The following E2F2 variants were observed in gnomAD, a reference collection of about 807,000 sequenced individuals.
E2F2 encodes the protein transcription factor E2F2.
In E2F2, 22 loss-of-function variants were observed where a neutral mutation model predicts 42.2. That is an observed-to-expected ratio of 0.52 (90% CI 0.37 to 0.74). The LOEUF (loss-of-function observed/expected upper bound fraction) is 0.74, where lower values mean the gene tolerates loss of function less well. Ranked by LOEUF, E2F2 falls within the 30% of genes least tolerant of loss-of-function variation. E2F2 has a pLI of 0.00. For synonymous variants in E2F2, 248 were observed against 251.6 expected (o/e 0.99, Z 0.13); for missense variants, 481 against 557.8 (o/e 0.86, Z 1.39).
rs1642837980 is a variant in E2F2 at position 23,508,162 on chromosome 1, GC to G, written c.*1717del. On this transcript the variant is annotated 3_prime_UTR_variant, in exon 7 of 7. Transcript: ENST00000361729. The stretch of plus-strand genomic sequence containing the variant: ...ACCCGCTGACCACTCCTGGGAGGGG[GC>G]TAACTTGGGGGCCCAGGAATTTGAG... 6.6e-6 allele frequency: 1 copy of G among 152,288 alleles called. No homozygotes were observed. The highest frequency in any genetic ancestry group is 1.5e-5 in the Non-Finnish European group (1 of 68,098). 9.4% of individuals were successfully genotyped at this position (152,288 alleles called of 1,614,324 possible).
chr1:23,507,946 T>C lies in E2F2; in HGVS notation c.*1934A>G, dbSNP rs41300116. On this transcript the variant is annotated 3_prime_UTR_variant, in exon 7 of 7. Coordinates refer to ENST00000361729, the MANE Select transcript of E2F2 (RefSeq NM_004091.4). The stretch of plus-strand genomic sequence containing the variant: ...TCTGACTTCAGAGATGGCACATGGC[T>C]AAATGGCAGCCCAGTGGAGACCTCA... The C allele has an allele frequency of 0.055, 8,375 of 152,300 alleles. 315 individuals carry two copies. The highest frequency in any genetic ancestry group is 0.11 in the South Asian group (552 of 4,820). The allele number at this position is 152,300 out of a possible 1,614,324, so 9.4% of individuals were successfully genotyped here.
Position 23,524,437 on chromosome 1 carries a change from A to C in E2F2, c.304T>G (p.Phe102Val), listed in dbSNP as rs1489087432. 2 of 1,613,734 alleles carry C rather than the reference A, an allele frequency of 1.2e-6. No individual in the cohort carries two copies. Among genetic ancestry groups the C allele is most frequent in the Non-Finnish European group, 8.5e-7 (1 of 1,179,910 alleles). ...ATGCACTTCCCCTTGGGGGTTGGGAACTCAGGGACGACGGGCCTCCCAATC... is the reference window on the plus strand; with the variant it reads ...ATGCACTTCCCCTTGGGGGTTGGGACCTCAGGGACGACGGGCCTCCCAATC... ...EGIGRPVVPE[F>V]PTPKGKCIRV... Residue 102 changes from phenylalanine (F) to valine (V), a missense_variant, in exon 2 of 7, where the codon TTC becomes GTC. Transcript: ENST00000361729.
chr1:23,526,543 A>G (rs972296341), intron 1 of E2F2, among the ~76,000 whole-genome samples: 2 of 152,076 alleles, frequency 1.3e-5, no homozygotes, highest in African/African-American at 4.8e-5. Context: ...GCCAGAACAA[A>G]CCAGAAAGAA....
At chr1:23,521,148 A>T in intron 3 of E2F2, 77 bp from the exon 4 acceptor site, 1 of 1,433,394 alleles carries the variant, frequency 7.0e-7, no homozygotes, top group Non-Finnish European at 9.2e-7. Context: ...ATAGTCTATG[A>T]GGGTGCTTCC....
At chr1:23,512,156 C>G (rs1432732529) in intron 6 of E2F2, among the ~76,000 whole-genome samples, 1 of 152,158 alleles carries the variant, frequency 6.6e-6, no homozygotes, top group African/African-American at 2.4e-5. Context: ...CAAGATCACG[C>G]CACTGCACTC....
rs56023276 is a variant in E2F2 at position 23,518,472 on chromosome 1, A to AAAATAAAT, written c.852+536_852+543dup. On this transcript the variant is annotated intron_variant, in intron 5 of 6. Transcript: ENST00000361729. ...GGCAACAGAGTGAGACTCTGTCTCAAAAATAAATAAATAAATAAATAAATA... is the reference window on the plus strand; with the variant it reads ...GGCAACAGAGTGAGACTCTGTCTCAAAAATAAATAAATAAATAAATAAATAAATAAATA... 2.7e-3 allele frequency among the ~76,000 whole-genome samples: 401 copies of AAAATAAAT among 150,098 alleles called. 3 individuals are homozygous for AAAATAAAT. Among genetic ancestry groups the AAAATAAAT allele is most frequent in the African/African-American group, 9.0e-3 (372 of 41,106 alleles).
Position 23,521,039 on chromosome 1 carries a change from G to C in E2F2, c.611C>G (p.Pro204Arg), listed in dbSNP as rs1242516158. The C allele has an allele frequency of 3.8e-5, 62 of 1,613,088 alleles. No individual in the cohort carries two copies. Among genetic ancestry groups the C allele is most frequent in the Non-Finnish European group, 4.8e-5 (57 of 1,179,584 alleles). The change falls in exon 4 of 7, where the codon CCT (proline) becomes CGT (arginine). Residue 204 changes from proline (P) to arginine (R), a missense_variant. By Grantham distance (103) the Pro-to-Arg change is moderately radical. Transcript: ENST00000361729. The part of the protein sequence containing the change: ...GRGMFEDPTR[P>R]GKQQQLGQEL... ...CTGCCCCAGCTGTTGCTGCTTCCCA[G>C]GTCTGGTGGGGTCTTCAAACATTCC...
Position 23,506,532 on chromosome 1 carries a change from A to G in E2F2, c.*3348T>C, listed in dbSNP as rs2148681206. On this transcript the variant is annotated 3_prime_UTR_variant, in exon 7 of 7. Transcript: ENST00000361729. The stretch of plus-strand genomic sequence containing the variant: ...CCAGGCGAAACCAGGCCGGCAGGAA[A>G]TGACCCGCATGAGTCCCAGCACGGG... 6.6e-6 allele frequency: 1 copy of G among 152,408 alleles called. No individual in the cohort carries two copies. Among genetic ancestry groups the G allele is most frequent in the South Asian group, 2.1e-4 (1 of 4,830 alleles). The allele number at this position is 152,408 out of a possible 1,614,324, so 9.4% of individuals were successfully genotyped here.
Position 23,509,924 on chromosome 1 carries a change from C to G in E2F2, c.1270G>C (p.Asp424His). The G allele has an allele frequency of 6.3e-7, 1 of 1,595,294 alleles. No homozygotes were observed. Among genetic ancestry groups the G allele is most frequent in the Non-Finnish European group, 8.6e-7 (1 of 1,169,450 alleles). ...CCAAGGTCGTAGGAGTCGAAGAGAT[C>G]GCTGATGCCCTCACCCGCCTCCAAG... ...WGLEAGEGISDLFDSYDLGDL... is the reference protein window; with the variant it reads ...WGLEAGEGISHLFDSYDLGDL... The change falls in exon 7 of 7, where the codon GAT becomes CAT. Residue 424 changes from aspartate to histidine, a missense_variant. Transcript: ENST00000361729.
At chr1:23,506,020 A>G (rs1019979907), downstream of E2F2, among the ~76,000 whole-genome samples, 1 of 151,548 alleles carries the variant, frequency 6.6e-6, no homozygotes, top group Non-Finnish European at 1.5e-5. Context: ...CTGGTCTTGA[A>G]CTCCTAACTT....
At chr1:23,524,630 T>C (rs1432829271) in intron 1 of E2F2, 142 bp from the exon 2 acceptor site, 1 of 627,828 alleles carries the variant, frequency 1.6e-6, no homozygotes, top group East Asian at 3.0e-5. Context: ...GAAGCACTGC[T>C]GTACTTGATA....
rs546764073 is a variant in E2F2 at position 23,509,251 on chromosome 1, C to T, written c.*629G>A. On this transcript the variant is annotated 3_prime_UTR_variant, in exon 7 of 7. Coordinates refer to ENST00000361729, the MANE Select transcript of E2F2 (RefSeq NM_004091.4). ...AGAACAGGGGAAGAGGCAAAAGGGC[C>T]CACAGCTGCCGTTTACTAGAACCAT... 1 of 152,276 alleles carries T rather than the reference C, an allele frequency of 6.6e-6. No homozygotes were observed. Among genetic ancestry groups the T allele is most frequent in the South Asian group, 2.1e-4 (1 of 4,826 alleles). The allele number at this position is 152,276 out of a possible 1,614,324, so 9.4% of individuals were successfully genotyped here.
Position 23,510,107 on chromosome 1 carries a change from GAGGCGGTGGGGCCTGCTGGGGGGT to G in E2F2, c.1063_1086del (p.Thr355_Pro362del). 1 of 1,604,860 alleles carries G rather than the reference GAGGCGGTGGGGCCTGCTGGGGGGT, an allele frequency of 6.2e-7. No individual in the cohort carries two copies. The highest frequency in any genetic ancestry group is 8.5e-7 in the Non-Finnish European group (1 of 1,176,526). ...GTAGCCTCCAAGGGGACCAGGGATG[GAGGCGGTGGGGCCTGCTGGGGGGT>G]TGGCGCTGGTGCTGGCACTGGAGAC... On this transcript the variant is annotated inframe_deletion, in exon 7 of 7. Transcript: ENST00000361729.
chr1:23,524,465 C>T lies in E2F2; in HGVS notation c.276G>A (p.Glu92=). ...CAGGGACGACGGGCCTCCCAATCCCCTCCAGATCCAGCTTCCTTTTGGCCT... is the reference window on the plus strand; with the variant it reads ...CAGGGACGACGGGCCTCCCAATCCCTTCCAGATCCAGCTTCCTTTTGGCCT... The part of the protein sequence containing the change: ...RLPAKRKLDL[E]GIGRPVVPEF... The change falls in exon 2 of 7, where the codon GAG becomes GAA. Residue 92 remains glutamate (E), a synonymous_variant. Transcript: ENST00000361729. 6.2e-7 allele frequency: 1 copy of T among 1,613,774 alleles called. No individual in the cohort carries two copies. Among genetic ancestry groups the T allele is most frequent in the Non-Finnish European group, 8.5e-7 (1 of 1,179,852 alleles).
At chr1:23,514,823 G>T (rs1334721796) in intron 6 of E2F2, among the ~76,000 whole-genome samples, 1 of 136,352 alleles carries the variant, frequency 7.3e-6, no homozygotes, top group Non-Finnish European at 1.5e-5. Flanking sequence ...GTGACGGAGC[G>T]AGACTGTCTC....
At chr1:23,519,504 C>T (rs544756024) in intron 4 of E2F2, 88 of 158,504 alleles carry the variant, frequency 5.6e-4, no homozygotes, top group Non-Finnish European at 1.1e-3. Flanking sequence ...GATCCAAAAC[C>T]AATTAGATAT....
In E2F2 at chr1:23,531,014, G is replaced by A. The variant is rs961230667; in HGVS notation, c.-221C>T. 4.0e-6 allele frequency: 2 copies of A among 501,054 alleles called. No homozygotes were observed. The highest frequency in any genetic ancestry group is 5.0e-5 in the South Asian group (1 of 19,960). The allele number at this position is 501,054 out of a possible 1,614,324, so 31.0% of individuals were successfully genotyped here. Reference sequence around the variant, plus strand: ...CGCTTGGAGATCGCCCGGCGGCTGCGGTGGTGGCACTGCCAGGGGCTGTCT... The same window carrying A: ...CGCTTGGAGATCGCCCGGCGGCTGCAGTGGTGGCACTGCCAGGGGCTGTCT... On this transcript the variant is annotated 5_prime_UTR_variant, in exon 1 of 7. Transcript: ENST00000361729.
chr1:23,516,114 G>A (rs1051318688), intron 6 of E2F2, among the ~76,000 whole-genome samples: 4 of 152,220 alleles, frequency 2.6e-5, no homozygotes, highest in African/African-American at 9.7e-5. Flanking sequence ...GTAAGTGGAT[G>A]GGCTGGGATT....
intron 5 of E2F2, among the ~76,000 whole-genome samples, chr1:23,518,641 C>T (rs1643074235): frequency 6.6e-6 from 1 of 151,952 alleles, no homozygotes; most frequent in African/African-American, 2.4e-5. Flanking sequence ...CTCAGAGCAC[C>T]GAAGCCTCAT....
Sources: gnomAD v4.1 joint callset for allele counts (sites outside exome capture counted in the v4.1 genomes callset) on GRCh38, gnomAD v4.1.1 for gene constraint, MANE v1.5 for transcripts, NCBI Gene and HGNC (gene_info 2026-07-23, HGNC 2026-07-21) for gene names.